Variants in NEDD1 observed in about 807,000 individuals in gnomAD.
NEDD1 encodes the protein protein NEDD1.
In NEDD1, 33 loss-of-function variants were observed where a neutral mutation model predicts 74.0. The observed-to-expected ratio is 0.45, with a 90% CI of 0.34 to 0.60. The LOEUF (loss-of-function observed/expected upper bound fraction) is 0.60. Ranked by LOEUF, NEDD1 falls within the 20% of genes least tolerant of loss-of-function variation. The pLI, the probability that NEDD1 is intolerant of heterozygous loss-of-function variation, is 0.01. For synonymous variants in NEDD1, 250 were observed against 264.4 expected (o/e 0.95, Z 0.53); for missense variants, 746 against 776.5 (o/e 0.96, Z 0.47).
At chr12:96,927,323 AT>A (rs1354078171) in intron 6 of NEDD1, among the ~76,000 whole-genome samples, 3 of 152,222 alleles carry the variant, frequency 2.0e-5, no homozygotes, top group Non-Finnish European at 4.4e-5. Flanking sequence ...TCCTGAGTAT[AT>A]TTAGAATCCA....
rs1385401607 is a variant in NEDD1, at chr12:96,907,792, C to T, written c.-73C>T. On this transcript the variant is annotated 5_prime_UTR_variant, in exon 2 of 16. The change creates a new upstream start codon in the 5' untranslated region. Transcript: ENST00000266742. ...TTGTGTCCTGACTGCTAGCTTTCGA[C>T]GGGACCGTCTTTGAGGGACTCATGT... 3 of 1,497,092 alleles carry T rather than the reference C, an allele frequency of 2.0e-6. No homozygotes were observed. Among genetic ancestry groups the T allele is most frequent in the Admixed American group, 2.1e-5 (1 of 46,636 alleles). The allele number at this position is 1,497,092 out of a possible 1,614,324, so 92.7% of individuals were successfully genotyped here.
intron 6 of NEDD1, among the ~76,000 whole-genome samples, chr12:96,925,314 A>G (rs920242095): frequency 2.0e-5 from 3 of 152,242 alleles, no homozygotes; most frequent in African/African-American, 4.8e-5. Flanking sequence ...TTGTAAGCAG[A>G]GGTTATCACA....
chr12:96,932,538 A>C (rs1317907016), intron 6 of NEDD1, among the ~76,000 whole-genome samples: 2 of 106,634 alleles, frequency 1.9e-5, no homozygotes, highest in African/African-American at 6.0e-5. Flanking sequence ...TTATATATAT[A>C]TAATTTAGTA....
At chr12:96,951,625 T>C (rs1180915229) in intron 15 of NEDD1, 127 bp downstream of exon 15, 12 of 561,148 alleles carry the variant, frequency 2.1e-5, no homozygotes, top group African/African-American at 3.9e-5. Flanking sequence ...GGGAGTTTTA[T>C]AGACTAAATA....
At chr12:96,938,822 C>CTT (rs1877381397) in intron 9 of NEDD1, among the ~76,000 whole-genome samples, 1 of 111,176 alleles carries the variant, frequency 9.0e-6, no homozygotes, top group Non-Finnish European at 2.0e-5. Flanking sequence ...GTCTCTCATT[C>CTT]TCTCTCTCTC....
At chr12:96,926,639 TAATG>T (rs1186357613) in intron 6 of NEDD1, among the ~76,000 whole-genome samples, 1 of 152,054 alleles carries the variant, frequency 6.6e-6, no homozygotes, top group Admixed American at 6.6e-5. Flanking sequence ...AATTGCTACT[TAATG>T]AATGTTTATT....
At chr12:96,911,689 C>G (rs568810507) in intron 3 of NEDD1, among the ~76,000 whole-genome samples, 4 of 151,784 alleles carry the variant, frequency 2.6e-5, no homozygotes, top group African/African-American at 9.7e-5. Flanking sequence ...CCTTTTTTTT[C>G]TATATTCTAA....
chr12:96,917,580 T>C (rs1865029144), intron 4 of NEDD1, 41 bp from the exon 5 acceptor site: 4 of 1,480,710 alleles, frequency 2.7e-6, no homozygotes, highest in African/African-American at 3.0e-5. Context: ...AGCTCTGGGC[T>C]CTGTTAAATT....
intron 7 of NEDD1, 144 bp from the exon 8 acceptor site, chr12:96,936,467 C>T (rs1178318707): frequency 8.2e-6 from 5 of 607,520 alleles, no homozygotes; most frequent in Non-Finnish European, 1.5e-5. Context: ...TGAAATTATG[C>T]TTTAAACAAA....
intron 4 of NEDD1, among the ~76,000 whole-genome samples, chr12:96,916,972 A>G (rs185696577): frequency 4.1e-4 from 62 of 152,218 alleles, no homozygotes; most frequent in Non-Finnish European, 7.4e-4. Flanking sequence ...GAGCTTACTG[A>G]TAGATTGGAG....
At chr12:96,932,095 A>G (rs1416006092) in intron 6 of NEDD1, among the ~76,000 whole-genome samples, 1 of 151,866 alleles carries the variant, frequency 6.6e-6, no homozygotes, top group Non-Finnish European at 1.5e-5. Flanking sequence ...TGTTTTTTAT[A>G]TTTAGAAACA....
At position 96,909,754 on chromosome 12, in the gene NEDD1, G is replaced by C; in HGVS notation, c.-6G>C. The C allele has an allele frequency of 6.2e-7, 1 of 1,607,390 alleles. No individual in the cohort carries two copies. The highest frequency in any genetic ancestry group is 8.5e-7 in the Non-Finnish European group (1 of 1,176,116). ...ACATTGTTTTAAACTATTTGTAGGC[G>C]CAGTCATGCAGGAAAACCTCAGATT... On this transcript the variant is annotated splice_region_variant and 5_prime_UTR_variant, in exon 3 of 16. Transcript: ENST00000266742.
chr12:96,943,918 C>G (rs249581), intron 12 of NEDD1, among the ~76,000 whole-genome samples, 156 bp downstream of exon 12: 1 of 151,894 alleles, frequency 6.6e-6, no homozygotes, highest in Admixed American at 6.6e-5. Context: ...TTTGAAATCT[C>G]GCTTTGGATA....
intron 6 of NEDD1, among the ~76,000 whole-genome samples, chr12:96,930,215 T>TCC (rs2096688133): frequency 7.5e-6 from 1 of 133,874 alleles, no homozygotes; most frequent in African/African-American, 3.3e-5. Context: ...ACACACACTC[T>TCC]CTCTCTCTCT....
chr12:96,916,058 C>T (rs1010084099), intron 4 of NEDD1, among the ~76,000 whole-genome samples: 3 of 152,008 alleles, frequency 2.0e-5, no homozygotes, highest in African/African-American at 7.2e-5. Context: ...GTGTAGAAGC[C>T]TTGAGGCAAA....
In NEDD1 at chr12:96,907,595, T is replaced by C. The variant is rs2136497453; in HGVS notation, c.-261-9T>C. On this transcript the variant is annotated splice_polypyrimidine_tract_variant and intron_variant, in intron 1 of 15. Coordinates refer to ENST00000266742, the MANE Select transcript of NEDD1 (RefSeq NM_152905.4). ...TTTTTGTCAACCTCAAGTACTTTTC[T>C]TTTGGCAGGTACTTGGATGCATTTT... is the stretch of plus-strand genomic sequence containing the variant. 6.4e-7 allele frequency: 1 copy of C among 1,551,064 alleles called. No individual in the cohort carries two copies. Among genetic ancestry groups the C allele is most frequent in the South Asian group, 1.2e-5 (1 of 84,050 alleles).
chr12:96,919,447 G>A (rs1486214513), intron 5 of NEDD1, among the ~76,000 whole-genome samples: 1 of 152,156 alleles, frequency 6.6e-6, no homozygotes, highest in African/African-American at 2.4e-5. Flanking sequence ...TAGGTTCTCA[G>A]CAAATGGAAG....
intron 5 of NEDD1, among the ~76,000 whole-genome samples, chr12:96,918,803 C>T (rs1464838315): frequency 6.6e-6 from 1 of 152,172 alleles, no homozygotes; most frequent in Non-Finnish European, 1.5e-5. Flanking sequence ...ATAGAAATTA[C>T]ATTGGACCCC....
chr12:96,930,156 A>AACACACACACAC (rs61405089), intron 6 of NEDD1, among the ~76,000 whole-genome samples: 1 of 93,606 alleles, frequency 1.1e-5, no homozygotes, highest in Non-Finnish European at 2.1e-5. Context: ...TCTGTTGTAA[A>AACACACACACAC]ACACACACAC....
Sources: gnomAD v4.1 joint callset for allele counts (sites outside exome capture counted in the v4.1 genomes callset) on GRCh38, gnomAD v4.1.1 for gene constraint, MANE v1.5 for transcripts, NCBI Gene and HGNC (gene_info 2026-07-23, HGNC 2026-07-21) for gene names.